The following NFIA variants were observed in gnomAD, a reference collection of about 807,000 sequenced individuals.
NFIA encodes nuclear factor I A.
In NFIA, 8 loss-of-function variants were observed where a neutral mutation model predicts 62.8. The observed-to-expected ratio is 0.13, with a 90% CI of 0.07 to 0.23. NFIA has a LOEUF of 0.23. Ranked by LOEUF, NFIA falls within the 10% of genes least tolerant of loss-of-function variation. The probability of loss-of-function intolerance (pLI) is 1.00; values close to 1 mark genes in which losing one functional copy is unlikely to be tolerated. For missense variants in NFIA, 410 were observed against 642.1 expected, an observed-to-expected ratio of 0.64 and a Z score of 3.91; for synonymous variants, 235 against 238.1, an observed-to-expected ratio of 0.99 and a Z score of 0.12.
intron 10 of NFIA, among the ~76,000 whole-genome samples, chr1:61,429,624 G>A (rs1667015459): frequency 6.6e-6 from 1 of 152,234 alleles, no homozygotes; most frequent in Non-Finnish European, 1.5e-5. Flanking sequence ...ACTTGTGGTT[G>A]TAGCAGCATT....
intron 4 of NFIA, among the ~76,000 whole-genome samples, chr1:61,342,995 G>A (rs1013617240): frequency 1.3e-5 from 2 of 152,124 alleles, no homozygotes; most frequent in Admixed American, 6.5e-5. Flanking sequence ...CTAGCACATT[G>A]CCTGGCATGT....
At chr1:61,260,520 A>G (rs1434854640) in intron 2 of NFIA, among the ~76,000 whole-genome samples, 2 of 152,210 alleles carry the variant, frequency 1.3e-5, no homozygotes, top group African/African-American at 4.8e-5. Flanking sequence ...TGCTCAATAA[A>G]TATTTGTAGT....
At chr1:61,301,618 T>C (rs1251870322) in intron 3 of NFIA, among the ~76,000 whole-genome samples, 2 of 152,238 alleles carry the variant, frequency 1.3e-5, no homozygotes, top group Admixed American at 6.5e-5. Context: ...AAAGTGCTTT[T>C]TAAAAATTCC....
At chr1:61,378,049 G>A (rs569438524) in intron 6 of NFIA, among the ~76,000 whole-genome samples, 71 of 152,312 alleles carry the variant, frequency 4.7e-4, no homozygotes, top group African/African-American at 1.6e-3. Flanking sequence ...ACTTCCTAAT[G>A]ATTCCTGCAG....
chr1:61,378,471 TAG>T (rs771136875), intron 6 of NFIA, among the ~76,000 whole-genome samples: 12 of 152,324 alleles, frequency 7.9e-5, no homozygotes, highest in African/African-American at 2.9e-4. Flanking sequence ...TTCAGAATTA[TAG>T]AGAGTAATTA....
At chr1:61,084,644 T>C (rs1175030279) in intron 1 of NFIA, among the ~76,000 whole-genome samples, 1 of 152,146 alleles carries the variant, frequency 6.6e-6, no homozygotes, top group African/African-American at 2.4e-5. Context: ...ACAGAACTTG[T>C]AGATAATATC....
At chr1:61,234,738 T>C (rs1272476396) in intron 2 of NFIA, among the ~76,000 whole-genome samples, 3 of 152,212 alleles carry the variant, frequency 2.0e-5, no homozygotes, top group Admixed American at 2.0e-4. Flanking sequence ...CTGTGCTGCT[T>C]TAATGGTCTG....
At chr1:61,366,645 G>A (rs996098882) in intron 6 of NFIA, among the ~76,000 whole-genome samples, 2 of 152,134 alleles carry the variant, frequency 1.3e-5, no homozygotes, top group Non-Finnish European at 2.9e-5. Context: ...ACTTTAGGCC[G>A]AGCACAATGG....
At chr1:61,408,933 A>G (rs1055356755) in intron 9 of NFIA, among the ~76,000 whole-genome samples, 2 of 152,198 alleles carry the variant, frequency 1.3e-5, no homozygotes, top group Non-Finnish European at 2.9e-5. Context: ...TATCTGTAGG[A>G]CTTGGAGAAG....
At chr1:61,393,017 C>T (rs1479295070) in intron 7 of NFIA, among the ~76,000 whole-genome samples, 1 of 151,992 alleles carries the variant, frequency 6.6e-6, no homozygotes, top group African/African-American at 2.4e-5. Flanking sequence ...TGGTTCTGAG[C>T]AAGGTTTCTT....
chr1:61,226,530 C>A (rs1351651493), intron 2 of NFIA, among the ~76,000 whole-genome samples: 1 of 152,104 alleles, frequency 6.6e-6, no homozygotes, highest in Non-Finnish European at 1.5e-5. Context: ...CATTTTAACC[C>A]CCATGAACCT....
At chr1:61,421,412 A>C (rs1666614686) in intron 9 of NFIA, among the ~76,000 whole-genome samples, 1 of 152,206 alleles carries the variant, frequency 6.6e-6, no homozygotes, top group African/African-American at 2.4e-5. Context: ...TAGACTTGGT[A>C]GATCGAGTTT....
intron 3 of NFIA, among the ~76,000 whole-genome samples, chr1:61,312,068 C>T (rs1274467109): frequency 6.6e-6 from 1 of 152,182 alleles, no homozygotes; most frequent in South Asian, 2.1e-4. Context: ...GGTTGGCTGC[C>T]ACCAAAGTGT....
intron 3 of NFIA, among the ~76,000 whole-genome samples, chr1:61,286,291 G>T (rs1266126473): frequency 1.3e-5 from 2 of 151,916 alleles, no homozygotes; most frequent in African/African-American, 4.8e-5. Flanking sequence ...AGCCGGGTGT[G>T]GTTGCAGGCG....
intron 7 of NFIA, among the ~76,000 whole-genome samples, chr1:61,387,462 C>CAGT (rs143998869): frequency 0.014 from 1,773 of 129,076 alleles, 42 homozygotes; most frequent in African/African-American, 0.05. Context: ...TCAGCTCAAG[C>CAGT]ACTTTCTTTT....
chr1:61,292,367 G>GTT (rs547668691), intron 3 of NFIA, among the ~76,000 whole-genome samples: 24 of 152,266 alleles, frequency 1.6e-4, no homozygotes, highest in Admixed American at 1.6e-3. Context: ...GTGTTCAGGA[G>GTT]TTTAAGTCTT....
chr1:61,281,146 G>A (rs1196536964), intron 3 of NFIA, among the ~76,000 whole-genome samples: 1 of 151,802 alleles, frequency 6.6e-6, no homozygotes, highest in East Asian at 1.9e-4. Flanking sequence ...GGCTGAGGCA[G>A]CAGACTATCT....
chr1:61,087,294 C>T (rs1408840358), intron 1 of NFIA, among the ~76,000 whole-genome samples: 3 of 151,880 alleles, frequency 2.0e-5, no homozygotes, highest in Non-Finnish European at 2.9e-5. Context: ...ATTAAATAAT[C>T]TATTTTTTAG....
chr1:61,402,931 C>A (rs1370395310), intron 7 of NFIA, among the ~76,000 whole-genome samples: 6 of 152,152 alleles, frequency 3.9e-5, no homozygotes, highest in South Asian at 2.1e-4. Flanking sequence ...AACCTATGCC[C>A]AGCAACTAAT....
Sources: gnomAD v4.1 joint callset for allele counts (sites outside exome capture counted in the v4.1 genomes callset) on GRCh38, gnomAD v4.1.1 for gene constraint, MANE v1.5 for transcripts, NCBI Gene and HGNC (gene_info 2026-07-23, HGNC 2026-07-21) for gene names.